Variants in TMEM135 observed in about 807,000 individuals in gnomAD.
The protein encoded by TMEM135 is transmembrane protein 135.
TMEM135 carries 30 observed loss-of-function variants against 60.3 expected under a neutral mutation model. That is an observed-to-expected ratio of 0.50 (90% CI 0.37 to 0.68). The LOEUF (loss-of-function observed/expected upper bound fraction) is 0.68, where lower values mean the gene tolerates loss of function less well. Among genes scored for constraint, TMEM135 ranks in the 30% least tolerant of loss-of-function variants. TMEM135 has a pLI of 0.00. For missense variants in TMEM135, 468 were observed against 548.8 expected (o/e 0.85, Z 1.47); for synonymous variants, 190 against 186.7 (o/e 1.02, Z -0.14).
intron 5 of TMEM135, among the ~76,000 whole-genome samples, chr11:87,174,428 G>A (rs1939318111): frequency 1.3e-5 from 2 of 152,034 alleles, no homozygotes; most frequent in Admixed American, 1.3e-4. Flanking sequence ...TTATTCTTCT[G>A]TTGTTGGTTT....
At chr11:87,096,063 T>A in intron 4 of TMEM135, 1 of 229,276 alleles carries the variant, frequency 4.4e-6, no homozygotes, top group South Asian at 7.0e-5. Context: ...TTGCCTTCTC[T>A]CTACTCCTGC....
chr11:87,258,178 T>A (rs931740627), intron 6 of TMEM135, among the ~76,000 whole-genome samples: 2 of 123,642 alleles, frequency 1.6e-5, no homozygotes, highest in Non-Finnish European at 3.5e-5. Flanking sequence ...ATTCTGTGTT[T>A]ATTTTGGGGA....
rs536884069 is a variant in TMEM135 at position 87,039,638 on chromosome 11, C to T, written c.141+1452C>T. ...TGGCTGGAGTGCAGTGGCGCAATCA[C>T]GGCTCACTGCATAAGGCTCAGATTT... On this transcript the variant is annotated intron_variant, in intron 1 of 14. Coordinates refer to ENST00000305494, the MANE Select transcript of TMEM135 (RefSeq NM_022918.4). 2.0e-5 allele frequency among the ~76,000 whole-genome samples: 3 copies of T among 152,310 alleles called. No homozygotes were observed. The South Asian group carries it at 6.2e-4, about 32-fold the overall frequency.
intron 5 of TMEM135, among the ~76,000 whole-genome samples, chr11:87,234,526 T>C (rs1402030977): frequency 1.3e-5 from 2 of 152,048 alleles, no homozygotes; most frequent in Non-Finnish European, 2.9e-5. Flanking sequence ...TCTTTCCAGA[T>C]TTATGTCTCT....
intron 5 of TMEM135, among the ~76,000 whole-genome samples, chr11:87,171,888 G>A (rs1939246737): frequency 6.6e-6 from 1 of 152,072 alleles, no homozygotes; most frequent in Non-Finnish European, 1.5e-5. Context: ...TTCAAAATAG[G>A]GTTCACACTC....
At chr11:87,056,763 G>A (rs1027747682) in intron 1 of TMEM135, among the ~76,000 whole-genome samples, 2 of 152,120 alleles carry the variant, frequency 1.3e-5, no homozygotes, top group Non-Finnish European at 1.5e-5. Context: ...GTGTTCATGA[G>A]TTCTGTTTAA....
At chr11:87,109,423 A>G (rs1385450595) in intron 4 of TMEM135, among the ~76,000 whole-genome samples, 1 of 152,206 alleles carries the variant, frequency 6.6e-6, no homozygotes. Context: ...AATAAAAGTT[A>G]TGTGAATGTG....
intron 5 of TMEM135, among the ~76,000 whole-genome samples, chr11:87,231,133 C>T (rs1245479382): frequency 6.6e-6 from 1 of 152,102 alleles, no homozygotes; most frequent in Non-Finnish European, 1.5e-5. Context: ...GTCACTCAGA[C>T]AAAACCTAGA....
In TMEM135 at chr11:87,324,481, G is replaced by T. The variant is rs188512938; in HGVS notation, c.*3148G>T. The T allele has an allele frequency of 4.4e-6, 2 of 453,770 alleles. No individual in the cohort carries two copies. Among genetic ancestry groups the T allele is most frequent in the African/African-American group, 4.0e-5 (2 of 49,946 alleles). The allele number at this position is 453,770 out of a possible 1,614,324, so 28.1% of individuals were successfully genotyped here. A position where few individuals can be genotyped will look rare whatever the true frequency, so the allele number is the denominator to read the frequency against. On this transcript the variant is annotated 3_prime_UTR_variant, in exon 15 of 15. Coordinates refer to ENST00000305494, the MANE Select transcript of TMEM135 (RefSeq NM_022918.4). ...CTGTTGCCCGGGTTGGAGTACAGTG[G>T]TGCAATCATAGCTCATTGAAACCTC...
intron 6 of TMEM135, among the ~76,000 whole-genome samples, chr11:87,269,736 G>A (rs1941828247): frequency 6.6e-6 from 1 of 151,442 alleles, no homozygotes; most frequent in African/African-American, 2.4e-5. Flanking sequence ...TCTTAATCCA[G>A]TCTATCATTG....
intron 5 of TMEM135, among the ~76,000 whole-genome samples, chr11:87,168,163 T>A (rs1176425759): frequency 2.0e-5 from 3 of 152,202 alleles, no homozygotes; most frequent in African/African-American, 7.2e-5. Flanking sequence ...ATATCTCTTT[T>A]ATCTTTTTTT....
intron 4 of TMEM135, among the ~76,000 whole-genome samples, chr11:87,157,089 T>TA (rs1938720591): frequency 1.4e-5 from 2 of 141,688 alleles, no homozygotes; most frequent in South Asian, 4.5e-4. Flanking sequence ...TTTTTTTTTT[T>TA]AGACAGGGTC....
At chr11:87,094,100 A>G (rs1247112301) in intron 4 of TMEM135, among the ~76,000 whole-genome samples, 1 of 152,136 alleles carries the variant, frequency 6.6e-6, no homozygotes, top group African/African-American at 2.4e-5. Flanking sequence ...TTATACAAGG[A>G]ATTTCCATCG....
rs537957903 is a variant in TMEM135, at chr11:87,138,239, C to T, written c.397-19102C>T. 4.8e-4 allele frequency among the ~76,000 whole-genome samples: 73 copies of T among 151,786 alleles called. 1 individual carries two copies. Among genetic ancestry groups the T allele is most frequent in the Non-Finnish European group, 8.7e-4 (59 of 67,908 alleles). Reference sequence around the variant, plus strand: ...CCAAGTAGCTGGGATTACAGGTGCCCGCCACCACACCCGGCTAATTTTTGT... The same window carrying T: ...CCAAGTAGCTGGGATTACAGGTGCCTGCCACCACACCCGGCTAATTTTTGT... On this transcript the variant is annotated intron_variant, in intron 4 of 14. Coordinates refer to ENST00000305494, the MANE Select transcript of TMEM135 (RefSeq NM_022918.4).
At chr11:87,239,294 G>T (rs757262788) in intron 6 of TMEM135, among the ~76,000 whole-genome samples, 1 of 151,968 alleles carries the variant, frequency 6.6e-6, no homozygotes, top group Non-Finnish European at 1.5e-5. Flanking sequence ...CACCAAATTC[G>T]CTGTTCTTGG....
At chr11:87,040,468 G>A (rs1227871858) in intron 1 of TMEM135, among the ~76,000 whole-genome samples, 1 of 152,166 alleles carries the variant, frequency 6.6e-6, no homozygotes, top group Admixed American at 6.5e-5. Context: ...AGACCAGCCA[G>A]CTTGACCAAC....
intron 4 of TMEM135, chr11:87,121,714 C>T (rs1036452422): frequency 9.5e-5 from 13 of 136,138 alleles, no homozygotes; most frequent in African/African-American, 3.3e-4. Flanking sequence ...AATCTTGGCT[C>T]ACTGCAACCT....
chr11:87,276,320 C>G (rs1170944622), intron 6 of TMEM135, among the ~76,000 whole-genome samples: 1 of 151,958 alleles, frequency 6.6e-6, no homozygotes, highest in African/African-American at 2.4e-5. Context: ...TCTGATTTTA[C>G]ATTTGAGGAA....
At chr11:87,150,083 G>A (rs1476892040) in intron 4 of TMEM135, among the ~76,000 whole-genome samples, 1 of 151,972 alleles carries the variant, frequency 6.6e-6, no homozygotes, top group East Asian at 1.9e-4. Flanking sequence ...TGGGCATGGT[G>A]GCACATGCCT....
Sources: gnomAD v4.1 joint callset for allele counts (sites outside exome capture counted in the v4.1 genomes callset) on GRCh38, gnomAD v4.1.1 for gene constraint, MANE v1.5 for transcripts, NCBI Gene and HGNC (gene_info 2026-07-23, HGNC 2026-07-21) for gene names.